The following ZNF713 variants were observed in gnomAD, a reference collection of about 807,000 sequenced individuals.
ZNF713 encodes the protein zinc finger protein 713.
A neutral mutation model predicts 28.7 loss-of-function variants in ZNF713; 21 were observed. The ratio of observed to expected loss-of-function variants is 0.73; its 90% confidence interval spans 0.52 to 1.05. The LOEUF is 1.05. Ranked by LOEUF, ZNF713 falls within the 50% of genes least tolerant of loss-of-function variation. The pLI is 0.00. For missense variants in ZNF713, 458 were observed against 532.4 expected, an observed-to-expected ratio of 0.86 and a Z score of 1.37; for synonymous variants, 167 against 178.0, an observed-to-expected ratio of 0.94 and a Z score of 0.49.
chr7:55,889,413 TTTAAC>T (rs1785337876), intron 1 of ZNF713, among the ~76,000 whole-genome samples: 1 of 152,214 alleles, frequency 6.6e-6, no homozygotes, highest in Admixed American at 6.5e-5. Context: ...ATCTATTTCT[TTTAAC>T]TTAAATTGTG....
chr7:55,924,898 A>G (rs1226908723), intron 6 of ZNF713: 2 of 152,034 alleles, frequency 1.3e-5, no homozygotes, highest in Admixed American at 1.3e-4. Flanking sequence ...AATTTAGATT[A>G]TATTTTTGTT....
chr7:55,909,632 A>G (rs747972722), intron 2 of ZNF713, among the ~76,000 whole-genome samples: 5 of 152,106 alleles, frequency 3.3e-5, no homozygotes, highest in Non-Finnish European at 7.4e-5. Flanking sequence ...TTTGAACAGT[A>G]TGGCCATTTT....
At position 55,923,857 on chromosome 7, in the gene ZNF713, T is replaced by A; in HGVS notation, c.307+158T>A. The A allele has an allele frequency of 5.7e-6, 3 of 530,596 alleles. No homozygotes were observed. The South Asian group carries it at 7.6e-5, about 13-fold the overall frequency. 32.9% of individuals were successfully genotyped at this position (530,596 alleles called of 1,614,324 possible). On this transcript the variant is annotated intron_variant, in intron 6 of 6. Coordinates refer to ENST00000429591, the MANE Select transcript of ZNF713 (RefSeq NM_182633.3). ...ATTTTATATTTTTCTGAATTTGAAA[T>A]GGCTGTCTTATTTTTTCTCATTGAA... is the stretch of plus-strand genomic sequence containing the variant.
chr7:55,939,265 G>A lies in ZNF713; in HGVS notation c.591G>A (p.Gln197=). ...GTAATCTGAACTCAAACCTTATGCA[G>A]CAGAGAATTCCTTCCATTAAAATAC... The part of the protein sequence containing the change: ...ENCNLNSNLM[Q]QRIPSIKIPL... Residue 197 remains glutamine, a synonymous_variant, in exon 7 of 7, where the codon CAG becomes CAA. Coordinates refer to ENST00000429591, the MANE Select transcript of ZNF713 (RefSeq NM_182633.3). 6.2e-7 allele frequency: 1 copy of A among 1,614,126 alleles called. No individual in the cohort carries two copies.
intron 6 of ZNF713, among the ~76,000 whole-genome samples, chr7:55,933,947 T>C (rs1433448109): frequency 3.3e-5 from 5 of 151,824 alleles, no homozygotes; most frequent in Admixed American, 3.3e-4. Flanking sequence ...CTCAAGCATT[T>C]GCCCACCTTG....
chr7:55,900,130 CA>C (rs1467762104), intron 1 of ZNF713, among the ~76,000 whole-genome samples: 1 of 152,108 alleles, frequency 6.6e-6, no homozygotes, highest in Admixed American at 6.5e-5. Context: ...TCACTGTAGT[CA>C]AGATATGGAA....
At chr7:55,913,359 G>A (rs577104171) in intron 4 of ZNF713, among the ~76,000 whole-genome samples, 19 of 151,738 alleles carry the variant, frequency 1.3e-4, no homozygotes, top group Admixed American at 1.1e-3. Flanking sequence ...CCACCACCAC[G>A]CCCGGCCAAT....
intron 2 of ZNF713, among the ~76,000 whole-genome samples, chr7:55,908,635 A>G (rs1360026932): frequency 6.6e-6 from 1 of 151,028 alleles, no homozygotes; most frequent in African/African-American, 2.4e-5. Context: ...TAGATTCTAG[A>G]TATTAGTCCT....
chr7:55,919,563 T>TGGC (rs1426247370), intron 4 of ZNF713, among the ~76,000 whole-genome samples: 2 of 138,072 alleles, frequency 1.4e-5, no homozygotes, highest in African/African-American at 5.4e-5. Context: ...TAGAGTGCAG[T>TGGC]GGCACGATCC....
Position 55,941,724 on chromosome 7 carries a change from A to T in ZNF713, c.*1718A>T, listed in dbSNP as rs1289573843. The T allele has an allele frequency of 6.6e-6, 1 of 152,160 alleles. No homozygotes were observed. The highest frequency in any genetic ancestry group is 6.5e-5 in the Admixed American group (1 of 15,268). 9.4% of individuals were successfully genotyped at this position (152,160 alleles called of 1,614,324 possible). On this transcript the variant is annotated 3_prime_UTR_variant, in exon 7 of 7. Coordinates refer to ENST00000429591, the MANE Select transcript of ZNF713 (RefSeq NM_182633.3). The stretch of plus-strand genomic sequence containing the variant: ...AATTAAATTTATTCTACTCTTCATC[A>T]AAATAGATACATAACCTTGAAATTA...
intron 4 of ZNF713, among the ~76,000 whole-genome samples, chr7:55,916,227 A>C (rs1172840284): frequency 6.6e-6 from 1 of 152,182 alleles, no homozygotes; most frequent in Non-Finnish European, 1.5e-5. Context: ...AGTCCTATAG[A>C]ATCTGGCCTG....
At chr7:55,905,762 G>A (rs1785666888) in intron 1 of ZNF713, among the ~76,000 whole-genome samples, 1 of 152,056 alleles carries the variant, frequency 6.6e-6, no homozygotes, top group Non-Finnish European at 1.5e-5. Context: ...TGATTTTGAT[G>A]TAGATTTTTG....
intron 4 of ZNF713, among the ~76,000 whole-genome samples, chr7:55,919,009 A>G (rs1261198071): frequency 6.6e-6 from 1 of 152,174 alleles, no homozygotes; most frequent in African/African-American, 2.4e-5. Flanking sequence ...AAAGAAAAAA[A>G]AAAAGGAAAA....
intron 1 of ZNF713, among the ~76,000 whole-genome samples, chr7:55,901,841 T>C (rs1785583968): frequency 6.6e-6 from 1 of 152,250 alleles, no homozygotes; most frequent in Admixed American, 6.5e-5. Flanking sequence ...GAGCAAACCT[T>C]TGTATCACTT....
At position 55,923,598 on chromosome 7, in the gene ZNF713, T is replaced by C; in HGVS notation, c.215-9T>C. On this transcript the variant is annotated splice_polypyrimidine_tract_variant and intron_variant, in intron 5 of 6. Coordinates refer to ENST00000429591, the MANE Select transcript of ZNF713 (RefSeq NM_182633.3). ...AAACTCCTAAGATGTATGTTACTCC[T>C]GTGAATAGGGTATCAGCTTTGTAAG... 1 of 1,585,526 alleles carries C rather than the reference T, an allele frequency of 6.3e-7. No homozygotes were observed. The highest frequency in any genetic ancestry group is 1.1e-5 in the South Asian group (1 of 87,132).
chr7:55,905,076 T>A (rs1785655413), intron 1 of ZNF713, among the ~76,000 whole-genome samples: 1 of 152,138 alleles, frequency 6.6e-6, no homozygotes, highest in African/African-American at 2.4e-5. Flanking sequence ...CCCTATCCAG[T>A]CTAGATCCCA....
At chr7:55,888,967 G>A (rs1165333447) in intron 1 of ZNF713, among the ~76,000 whole-genome samples, 3 of 152,020 alleles carry the variant, frequency 2.0e-5, no homozygotes, top group African/African-American at 7.2e-5. Flanking sequence ...TGGGAAGATG[G>A]CTTTGGCCCA....
At chr7:55,929,169 G>A (rs1562747223) in intron 6 of ZNF713, among the ~76,000 whole-genome samples, 1 of 151,952 alleles carries the variant, frequency 6.6e-6, no homozygotes, top group Non-Finnish European at 1.5e-5. Context: ...GAGTTTGAGG[G>A]GAAAGCTAGG....
intron 6 of ZNF713, chr7:55,924,259 GT>G (rs1295621773): frequency 6.6e-6 from 1 of 152,076 alleles, no homozygotes; most frequent in East Asian, 1.9e-4. Context: ...TACTAACATT[GT>G]TTTCTTGGAG....
Sources: allele counts gnomAD v4.1 joint callset (sites outside exome capture counted in the v4.1 genomes callset), GRCh38; gene constraint gnomAD v4.1.1; transcripts MANE v1.5; gene names NCBI Gene and HGNC (gene_info 2026-07-23, HGNC 2026-07-21).